PLCXD3: variants seen among roughly 807,000 people sequenced by gnomAD.
PLCXD3 encodes the protein phosphatidylinositol specific phospholipase C X domain containing 3, also known as PI-PLC X domain-containing protein 3.
Under a neutral mutation model 25.5 loss-of-function variants are expected in PLCXD3, and 19 were observed. The ratio of observed to expected loss-of-function variants is 0.75; its 90% CI spans 0.52 to 1.09. The LOEUF (loss-of-function observed/expected upper bound fraction) is 1.09. Ranked by LOEUF, PLCXD3 falls within the 50% of genes least tolerant of loss-of-function variation. The pLI is 0.00. For synonymous variants in PLCXD3, 174 were observed against 137.6 expected (o/e 1.26, Z -1.85); for missense variants, 411 against 388.1 (o/e 1.06, Z -0.50).
intron 2 of PLCXD3, among the ~76,000 whole-genome samples, chr5:41,325,538 CTG>C (rs1156248620): frequency 2.6e-5 from 4 of 152,276 alleles, no homozygotes; most frequent in Admixed American, 6.5e-5. Context: ...TATTGTATAA[CTG>C]TTTATATATC....
At chr5:41,412,727 G>A (rs1746592189) in intron 1 of PLCXD3, among the ~76,000 whole-genome samples, 1 of 152,002 alleles carries the variant, frequency 6.6e-6, no homozygotes, top group Admixed American at 6.5e-5. Flanking sequence ...CTTCTTATCT[G>A]TAGTCACTCA....
chr5:41,509,120 G>GA (rs1214696683), intron 1 of PLCXD3, among the ~76,000 whole-genome samples: 1 of 152,186 alleles, frequency 6.6e-6, no homozygotes, highest in African/African-American at 2.4e-5. Flanking sequence ...CTCTTGGTTG[G>GA]AGCATCTAGT....
chr5:41,470,453 G>C (rs777163534), intron 1 of PLCXD3, among the ~76,000 whole-genome samples: 2 of 152,142 alleles, frequency 1.3e-5, no homozygotes, highest in African/African-American at 4.8e-5. Context: ...AATTAGTAGA[G>C]CATCAGTCTA....
chr5:41,506,886 T>C (rs898536022), intron 1 of PLCXD3, among the ~76,000 whole-genome samples: 2 of 152,236 alleles, frequency 1.3e-5, no homozygotes, highest in African/African-American at 4.8e-5. Context: ...ACATGGATTC[T>C]TTCTGAGTTT....
intron 2 of PLCXD3, among the ~76,000 whole-genome samples, chr5:41,346,503 A>G (rs1294391715): frequency 1.3e-5 from 2 of 152,052 alleles, no homozygotes; most frequent in Non-Finnish European, 2.9e-5. Context: ...CCTCCCCTAA[A>G]CCAAAACCTT....
intron 2 of PLCXD3, among the ~76,000 whole-genome samples, chr5:41,374,528 G>A (rs139189589): frequency 6.6e-5 from 10 of 152,180 alleles, no homozygotes; most frequent in East Asian, 3.9e-4. Context: ...ATGAAGCCAC[G>A]TACAATACAT....
At chr5:41,343,194 C>T (rs1744207696) in intron 2 of PLCXD3, among the ~76,000 whole-genome samples, 2 of 152,044 alleles carry the variant, frequency 1.3e-5, no homozygotes, top group South Asian at 4.1e-4. Context: ...CCATTTTGGG[C>T]TTCTAAGTAA....
intron 2 of PLCXD3, among the ~76,000 whole-genome samples, chr5:41,318,548 T>A (rs1051664473): frequency 3.9e-5 from 6 of 152,174 alleles, no homozygotes; most frequent in Non-Finnish European, 8.8e-5. Context: ...ACTTATAAGA[T>A]GGTATTTGCA....
chr5:41,499,790 C>T (rs1481278076), intron 1 of PLCXD3, among the ~76,000 whole-genome samples: 1 of 151,728 alleles, frequency 6.6e-6, no homozygotes, highest in Non-Finnish European at 1.5e-5. Flanking sequence ...TAAAGACCAA[C>T]ATATAGACCA....
rs1366369468 is a variant in PLCXD3, at chr5:41,450,838, C to A, written c.103+59586G>T. Among the ~76,000 whole-genome samples the A allele has an allele frequency of 2.0e-5, 3 of 151,278 alleles. No individual in the cohort carries two copies. The East Asian group carries it at 5.8e-4, about 29-fold the overall frequency. ...AAGGGATTCTATACGCAGAGATGGA[C>A]AAAAGAGAAGTAGGAAAGGGGAAAA... is the stretch of plus-strand genomic sequence containing the variant. On this transcript the variant is annotated intron_variant, in intron 1 of 2. Coordinates refer to ENST00000377801, the MANE Select transcript of PLCXD3 (RefSeq NM_001005473.3).
chr5:41,372,347 C>CAT (rs67636436), intron 2 of PLCXD3, among the ~76,000 whole-genome samples: 12,873 of 131,638 alleles, frequency 0.098, 1,117 homozygotes, highest in African/African-American at 0.16. Context: ...CACACACACA[C>CAT]ACCAGGCACT....
At chr5:41,475,587 C>A (rs1388020535) in intron 1 of PLCXD3, 1 of 533,796 alleles carries the variant, frequency 1.9e-6, no homozygotes, top group Admixed American at 1.9e-5. Flanking sequence ...TCCCTGTAGG[C>A]CTCTTCAGGT....
At chr5:41,396,538 A>G (rs1274217319) in intron 1 of PLCXD3, among the ~76,000 whole-genome samples, 1 of 152,218 alleles carries the variant, frequency 6.6e-6, no homozygotes, top group African/African-American at 2.4e-5. Flanking sequence ...GAAAATTAGT[A>G]CCAGAGAAGT....
At chr5:41,366,230 C>T (rs2150486948) in intron 2 of PLCXD3, among the ~76,000 whole-genome samples, 1 of 152,176 alleles carries the variant, frequency 6.6e-6, no homozygotes, top group East Asian at 1.9e-4. Flanking sequence ...ATACAAAAGC[C>T]CCCCAAATAT....
intron 2 of PLCXD3, among the ~76,000 whole-genome samples, chr5:41,341,726 A>T (rs940739132): frequency 1.3e-5 from 2 of 152,120 alleles, no homozygotes; most frequent in Non-Finnish European, 2.9e-5. Context: ...GAAAAAAAAA[A>T]GTTCTTATCA....
chr5:41,509,726 G>T (rs1398315989), intron 1 of PLCXD3, among the ~76,000 whole-genome samples: 1 of 152,180 alleles, frequency 6.6e-6, no homozygotes. Context: ...TTTTTGACCT[G>T]GGCGAAGTGT....
intron 1 of PLCXD3, among the ~76,000 whole-genome samples, chr5:41,493,904 C>G (rs1318281163): frequency 3.3e-5 from 5 of 152,202 alleles, no homozygotes; most frequent in African/African-American, 1.2e-4. Context: ...CAGACAATGC[C>G]TCGCCCTGCT....
At chr5:41,345,885 A>T (rs200880918) in intron 2 of PLCXD3, among the ~76,000 whole-genome samples, 1,484 of 77,370 alleles carry the variant, frequency 0.019, 34 homozygotes, top group African/African-American at 0.11. Flanking sequence ...TCTTTTTTTT[A>T]TTTTTTCTTT....
At chr5:41,383,234 A>G (rs1745536661) in intron 1 of PLCXD3, among the ~76,000 whole-genome samples, 1 of 152,130 alleles carries the variant, frequency 6.6e-6, no homozygotes, top group South Asian at 2.1e-4. Context: ...TTAAAAATTG[A>G]CAGCATTTAA....
Sources: gnomAD v4.1 joint callset for allele counts (sites outside exome capture counted in the v4.1 genomes callset) on GRCh38, gnomAD v4.1.1 for gene constraint, MANE v1.5 for transcripts, NCBI Gene and HGNC (gene_info 2026-07-23, HGNC 2026-07-21) for gene names.